DNAH7: variants seen among roughly 807,000 people sequenced by gnomAD.
DNAH7 encodes dynein axonemal heavy chain 7.
In DNAH7, 397 loss-of-function variants were observed where a neutral mutation model predicts 444.6. The observed-to-expected ratio is 0.89, with a 90% CI of 0.82 to 0.97. DNAH7 has a LOEUF of 0.97. Among genes scored for constraint, DNAH7 ranks in the 50% least tolerant of loss-of-function variants. The pLI is 0.00. For missense variants in DNAH7, 4,902 were observed against 4,800.8 expected (o/e 1.02, Z -0.62); for synonymous variants, 1,636 against 1,624.4 (o/e 1.01, Z -0.17).
In DNAH7 at chr2:195,858,454, G is replaced by C; in HGVS notation, c.8067+20C>G. 1 of 1,552,080 alleles carries C rather than the reference G, an allele frequency of 6.4e-7. No individual in the cohort carries two copies. The highest frequency in any genetic ancestry group is 8.7e-7 in the Non-Finnish European group (1 of 1,150,340). On this transcript the variant is annotated intron_variant, in intron 43 of 64. Transcript: ENST00000312428. ...GCTATGATGACATGTGTCCTAGAAAGTGTATGGCGAAGCTCTTACCTGTGC... is the reference window on the plus strand; with the variant it reads ...GCTATGATGACATGTGTCCTAGAAACTGTATGGCGAAGCTCTTACCTGTGC...
At chr2:195,923,530 A>C in intron 23 of DNAH7, 65 bp downstream of exon 23, 17 of 1,500,348 alleles carry the variant, frequency 1.1e-5, no homozygotes, top group Non-Finnish European at 1.6e-5. Flanking sequence ...GTGAGCAAGC[A>C]AGCACAAATT....
chr2:195,848,357 G>A (rs1259913881), intron 46 of DNAH7, among the ~76,000 whole-genome samples: 1 of 152,190 alleles, frequency 6.6e-6, no homozygotes, highest in African/African-American at 2.4e-5. Context: ...TGCATCTTTG[G>A]CAGAAATGTC....
chr2:195,911,469 A>C (rs930358155), intron 24 of DNAH7, among the ~76,000 whole-genome samples: 1 of 152,162 alleles, frequency 6.6e-6, no homozygotes, highest in Admixed American at 6.5e-5. Flanking sequence ...AAATTTAAAC[A>C]GCAATGACTG....
In DNAH7 at chr2:196,019,170, T is replaced by G; in HGVS notation, c.869A>C (p.Lys290Thr). ...CCTCTATAAGGCCACATATACTCAC[T>G]TAAAATTAGTGTGCCACAAATCTAG... The part of the protein sequence containing the change: ...AVLDLWHTNF[K>T]KLRLVDIKEF... Residue 290 changes from lysine to threonine, a missense_variant and splice_region_variant, in exon 9 of 65, where the codon AAA becomes ACA. Physicochemically the swap from Lys to Thr is moderately conservative, Grantham distance 78 (BLOSUM62 -1). Coordinates refer to ENST00000312428, the MANE Select transcript of DNAH7 (RefSeq NM_018897.3). The G allele has an allele frequency of 1.4e-6, 2 of 1,476,350 alleles. No individual in the cohort carries two copies. The highest frequency in any genetic ancestry group is 1.8e-6 in the Non-Finnish European group (2 of 1,100,388). The allele number at this position is 1,476,350 out of a possible 1,614,324, so 91.5% of individuals were successfully genotyped here. A position where few individuals can be genotyped will look rare whatever the true frequency, so the allele number is the denominator to read the frequency against.
chr2:195,746,666 C>G (rs930966052), intron 63 of DNAH7, among the ~76,000 whole-genome samples: 27 of 152,328 alleles, frequency 1.8e-4, no homozygotes, highest in Non-Finnish European at 3.4e-4. Context: ...ACAGTGCAAT[C>G]AAACTAGAAC....
chr2:196,022,293 T>C (rs1695430698), intron 8 of DNAH7, among the ~76,000 whole-genome samples: 2 of 152,184 alleles, frequency 1.3e-5, no homozygotes, highest in Non-Finnish European at 2.9e-5. Flanking sequence ...AGCAATGACA[T>C]CTGCCACATC....
intron 36 of DNAH7, among the ~76,000 whole-genome samples, chr2:195,877,576 GA>G (rs1231080562): frequency 6.6e-6 from 1 of 152,124 alleles, no homozygotes; most frequent in Non-Finnish European, 1.5e-5. Flanking sequence ...TAAGCAAATG[GA>G]AATTCTGAAA....
chr2:195,934,600 G>T lies in DNAH7; in HGVS notation c.3462C>A (p.Ser1154=), dbSNP rs1424160873. 2 of 1,613,782 alleles carry T rather than the reference G, an allele frequency of 1.2e-6. No homozygotes were observed. Among genetic ancestry groups the T allele is most frequent in the Admixed American group, 3.3e-5 (2 of 59,992 alleles). The change falls in exon 21 of 65, where the codon TCC becomes TCA. Residue 1154 remains serine (S), a synonymous_variant. Transcript: ENST00000312428. ...LVELERVMIN[S]IHKVTGDATF... ...CAGTATAATCAGCTACCTTGTGGAT[G>T]GAGTTAATCATAACTCTCTCTAATT...
chr2:195,744,383 A>ACC (rs1693249952), intron 63 of DNAH7, among the ~76,000 whole-genome samples: 1 of 152,226 alleles, frequency 6.6e-6, no homozygotes, highest in Admixed American at 6.5e-5. Context: ...GGTGGAGCCC[A>ACC]CCACAGCTCA....
chr2:195,994,784 T>C (rs1456809202), intron 12 of DNAH7: 1 of 469,292 alleles, frequency 2.1e-6, no homozygotes, highest in East Asian at 5.2e-5. Context: ...GAATCTGCGG[T>C]TAATAGTTTG....
chr2:195,952,485 C>A (rs1325792131), intron 19 of DNAH7, among the ~76,000 whole-genome samples: 2 of 152,052 alleles, frequency 1.3e-5, no homozygotes, highest in East Asian at 3.9e-4. Flanking sequence ...TCTTGCTAGG[C>A]TGGGGAAGTT....
chr2:195,868,194 C>A (rs965954144), intron 40 of DNAH7, among the ~76,000 whole-genome samples: 2 of 145,242 alleles, frequency 1.4e-5, no homozygotes, highest in African/African-American at 2.6e-5. Context: ...CTCCCGGGTT[C>A]ATGCCATTCT....
chr2:195,792,438 T>C (rs893817254), intron 57 of DNAH7, among the ~76,000 whole-genome samples: 61 of 63,064 alleles, frequency 9.7e-4, no homozygotes, highest in Non-Finnish European at 1.7e-3. Flanking sequence ...CACACACACA[T>C]TAAAAAAACA....
chr2:195,922,926 A>G (rs1294723212), intron 23 of DNAH7, among the ~76,000 whole-genome samples: 5 of 151,780 alleles, frequency 3.3e-5, no homozygotes, highest in Admixed American at 3.3e-4. Context: ...CAGTGGCGCA[A>G]TCTCGGCTCA....
chr2:195,765,736 G>C (rs1694542199), intron 61 of DNAH7, among the ~76,000 whole-genome samples: 1 of 152,174 alleles, frequency 6.6e-6, no homozygotes, highest in Non-Finnish European at 1.5e-5. Context: ...AACAAATGCA[G>C]GTGAGAATGT....
intron 2 of DNAH7, among the ~76,000 whole-genome samples, chr2:196,053,909 G>T (rs977040334): frequency 4.6e-5 from 7 of 152,136 alleles, no homozygotes; most frequent in African/African-American, 1.7e-4. Context: ...GAGCTGGTGT[G>T]CTTCCTCCAT....
Position 195,922,129 on chromosome 2 carries a change from G to A in DNAH7, c.3894C>T (p.Ser1298=), listed in dbSNP as rs1432163751. 6 of 1,612,904 alleles carry A rather than the reference G, an allele frequency of 3.7e-6. No homozygotes were observed. Among genetic ancestry groups the A allele is most frequent in the South Asian group, 1.1e-5 (1 of 91,050 alleles). The change falls in exon 24 of 65, where the codon TCC becomes TCT. Residue 1298 remains serine (S), a synonymous_variant. Coordinates refer to ENST00000312428, the MANE Select transcript of DNAH7 (RefSeq NM_018897.3). ...LRYGYEYLGN[S]PRLVITPLTD... Reference sequence around the variant, plus strand: ...TGAGTGGTGTAATAACCAGCCTAGGGGAATTACCCAGATATTCATATCCAT... The same window carrying A: ...TGAGTGGTGTAATAACCAGCCTAGGAGAATTACCCAGATATTCATATCCAT...
At chr2:195,884,510 G>T (rs1282099026) in intron 35 of DNAH7, 75 bp downstream of exon 35, 1 of 1,068,350 alleles carries the variant, frequency 9.4e-7, no homozygotes, top group Non-Finnish European at 1.4e-6. Context: ...GTGGCCACAG[G>T]GCCATTATAT....
chr2:195,953,780 C>G, intron 19 of DNAH7, among the ~76,000 whole-genome samples: 1 of 152,204 alleles, frequency 6.6e-6, no homozygotes, highest in Non-Finnish European at 1.5e-5. Flanking sequence ...ATCCTATTTT[C>G]AACCTCTGAG....
Sources: gnomAD v4.1 joint callset for allele counts (sites outside exome capture counted in the v4.1 genomes callset) on GRCh38, gnomAD v4.1.1 for gene constraint, MANE v1.5 for transcripts, NCBI Gene and HGNC (gene_info 2026-07-23, HGNC 2026-07-21) for gene names.